Variants in USP48 observed in about 807,000 individuals in gnomAD.
The protein encoded by USP48 is ubiquitin specific peptidase 48, also known as ubiquitin carboxyl-terminal hydrolase 48.
In USP48, 43 loss-of-function variants were observed where a neutral mutation model predicts 150.7. The observed-to-expected ratio is 0.29, with a 90% CI of 0.22 to 0.37. The LOEUF (loss-of-function observed/expected upper bound fraction) is 0.37. Among genes scored for constraint, USP48 ranks in the 10% least tolerant of loss-of-function variants. The probability of loss-of-function intolerance (pLI) is 1.00; values close to 1 mark genes in which losing one functional copy is unlikely to be tolerated. For missense variants in USP48, 813 were observed against 1,249.6 expected, an observed-to-expected ratio of 0.65 and a Z score of 5.27; for synonymous variants, 396 against 425.9, an observed-to-expected ratio of 0.93 and a Z score of 0.86.
intron 8 of USP48, among the ~76,000 whole-genome samples, chr1:21,739,383 G>C (rs976779354): frequency 6.6e-6 from 1 of 151,834 alleles, no homozygotes; most frequent in African/African-American, 2.4e-5. Flanking sequence ...GTCAAGCATG[G>C]TATTGAGTGC....
chr1:21,696,269 C>T (rs76074423), intron 22 of USP48, among the ~76,000 whole-genome samples: 18,410 of 151,942 alleles, frequency 0.12, 1,668 homozygotes, highest in East Asian at 0.27. Flanking sequence ...AGAAACCCCC[C>T]TCTCTACTAA....
chr1:21,744,050 G>A (rs770797756), intron 8 of USP48, among the ~76,000 whole-genome samples: 16 of 152,174 alleles, frequency 1.1e-4, no homozygotes, highest in Admixed American at 2.0e-4. Flanking sequence ...GGTATCAGCA[G>A]TAGCTGTCTT....
At chr1:21,691,087 G>A (rs191560280) in intron 23 of USP48, among the ~76,000 whole-genome samples, 1 of 152,102 alleles carries the variant, frequency 6.6e-6, no homozygotes, top group Non-Finnish European at 1.5e-5. Flanking sequence ...GGCCGAGGTG[G>A]ACGGATCACC....
rs149728009 is a variant in USP48, at chr1:21,761,474, G to GC, written c.135-3692dup. ...TGTAAAAACAGGGTCTTGCCATGTT[G>GC]CCCCAGGCTGACCCCATCACTTTTT... On this transcript the variant is annotated intron_variant, in intron 1 of 26. Transcript: ENST00000308271. Among the ~76,000 whole-genome samples, 7 of 152,082 alleles carry GC rather than the reference G, an allele frequency of 4.6e-5. No individual in the cohort carries two copies. The South Asian group carries it at 1.5e-3, about 32-fold the overall frequency.
chr1:21,756,430 G>A (rs10458384), intron 3 of USP48, 116 bp downstream of exon 3: 955,522 of 1,279,738 alleles, frequency 0.75, 358,461 homozygotes, highest in Admixed American at 0.82. Context: ...GCAGTGAACC[G>A]AGATGGCGCC....
chr1:21,778,654 T>C (rs1050017474), intron 1 of USP48, among the ~76,000 whole-genome samples: 2 of 146,272 alleles, frequency 1.4e-5, no homozygotes, highest in African/African-American at 5.0e-5. Context: ...GTTTCATTCA[T>C]GCAATCCAAG....
intron 14 of USP48, among the ~76,000 whole-genome samples, chr1:21,718,840 GTAAA>G (rs376367489): frequency 6.8e-4 from 103 of 152,046 alleles, no homozygotes; most frequent in African/African-American, 2.2e-3. Context: ...TTAAAAAGCA[GTAAA>G]TAAATATTTA....
intron 8 of USP48, among the ~76,000 whole-genome samples, chr1:21,741,452 G>A (rs1279170647): frequency 3.3e-5 from 5 of 152,110 alleles, no homozygotes; most frequent in Non-Finnish European, 2.9e-5. Context: ...AATGAATTTC[G>A]CAAGGACAAA....
chr1:21,748,085 T>C, intron 7 of USP48, 53 bp downstream of exon 7: 1 of 1,527,188 alleles, frequency 6.5e-7, no homozygotes, highest in South Asian at 1.3e-5. Flanking sequence ...TGGTAAAGTC[T>C]GTACATAGTA....
At chr1:21,748,337 T>A (rs577555349) in intron 6 of USP48, 66 bp from the exon 7 acceptor site, 52 of 1,418,146 alleles carry the variant, frequency 3.7e-5, no homozygotes, top group Non-Finnish European at 4.5e-5. Flanking sequence ...ATAAAACCCT[T>A]GATGTAAAGT....
At chr1:21,696,007 C>T (rs1027659902) in intron 22 of USP48, among the ~76,000 whole-genome samples, 29 of 152,072 alleles carry the variant, frequency 1.9e-4, no homozygotes, top group African/African-American at 6.0e-4. Flanking sequence ...CAAACATTTA[C>T]GCCCACCTTT....
At chr1:21,773,740 C>T (rs989917355) in intron 1 of USP48, among the ~76,000 whole-genome samples, 1 of 152,174 alleles carries the variant, frequency 6.6e-6, no homozygotes, top group Non-Finnish European at 1.5e-5. Context: ...TGAAAACACT[C>T]ACTCAACACT....
rs141681624 is a variant in USP48, at chr1:21,757,476, T to C, written c.255+187A>G. ...AGGCTTACTGAATTACGCAGCTGCC[T>C]GTTTTAAAGCATATCATTAAGAAGT... On this transcript the variant is annotated intron_variant, in intron 2 of 26. Coordinates refer to ENST00000308271, the MANE Select transcript of USP48 (RefSeq NM_032236.8). 1,192 of 466,956 alleles carry C rather than the reference T, an allele frequency of 2.6e-3. 10 individuals carry two copies. The highest frequency in any genetic ancestry group is 0.02 in the African/African-American group (996 of 49,986). The allele number at this position is 466,956 out of a possible 1,614,324, so 28.9% of individuals were successfully genotyped here.
At chr1:21,754,165 GA>G (rs879860917) in intron 3 of USP48, among the ~76,000 whole-genome samples, 1,515 of 144,084 alleles carry the variant, frequency 0.011, 15 homozygotes, top group Non-Finnish European at 0.015. Context: ...CATCTGGGAG[GA>G]AAAAAAAAAA....
chr1:21,745,720 T>C (rs1008675634), intron 8 of USP48, among the ~76,000 whole-genome samples: 11 of 152,192 alleles, frequency 7.2e-5, no homozygotes, highest in African/African-American at 2.4e-4. Context: ...GTAGTAATAG[T>C]AACAATTCAA....
chr1:21,721,841 C>T (rs571721), intron 12 of USP48, 77 bp from the exon 13 acceptor site: 1 of 1,061,240 alleles, frequency 9.4e-7, no homozygotes, highest in Non-Finnish European at 1.3e-6. Context: ...TTCAGCACTT[C>T]ACAAACACAG....
intron 15 of USP48, 61 bp downstream of exon 15, chr1:21,715,328 G>A (rs2097701301): frequency 1.5e-6 from 2 of 1,340,420 alleles, no homozygotes; most frequent in Non-Finnish European, 2.1e-6. Context: ...AAGCCAGGCA[G>A]TAGAAGCTAA....
intron 20 of USP48, 22 bp downstream of exon 20, chr1:21,704,240 C>T (rs185778038): frequency 2.8e-5 from 45 of 1,603,242 alleles, no homozygotes; most frequent in Middle Eastern, 1.7e-4. Context: ...CTATAGAAAC[C>T]GAAAGCAATA....
chr1:21,753,838 A>C (rs2097823994), intron 3 of USP48, among the ~76,000 whole-genome samples: 1 of 150,396 alleles, frequency 6.6e-6, no homozygotes, highest in South Asian at 2.1e-4. Flanking sequence ...AAAAAAAAAA[A>C]AAAAAAAAAA....
Sources: gnomAD v4.1 joint callset for allele counts (sites outside exome capture counted in the v4.1 genomes callset) on GRCh38, gnomAD v4.1.1 for gene constraint, MANE v1.5 for transcripts, NCBI Gene and HGNC (gene_info 2026-07-23, HGNC 2026-07-21) for gene names.